The following DGLUCY variants were observed in gnomAD, a reference collection of about 807,000 sequenced individuals.
DGLUCY encodes the protein D-glutamate cyclase, mitochondrial.
Under a neutral mutation model 58.5 loss-of-function variants are expected in DGLUCY, and 58 were observed. The observed-to-expected ratio is 0.99, with a 90% CI of 0.80 to 1.23. The LOEUF is 1.23. DGLUCY is among the 50% of genes most tolerant of loss of function. DGLUCY has a pLI of 0.00. For missense variants in DGLUCY, 779 were observed against 784.7 expected (o/e 0.99, Z 0.09); for synonymous variants, 325 against 314.1 (o/e 1.03, Z -0.37).
At chr14:91,068,061 ACACACACACACGCGCACG>A (rs1427221057) in intron 1 of DGLUCY, among the ~76,000 whole-genome samples, 2 of 132,612 alleles carry the variant, frequency 1.5e-5, no homozygotes, top group African/African-American at 5.8e-5. Context: ...TGGCGCGTGC[ACACACACACACGCGCACG>A]CACACACACA....
chr14:91,186,241 C>T (rs758937735), intron 8 of DGLUCY, among the ~76,000 whole-genome samples: 1 of 151,572 alleles, frequency 6.6e-6, no homozygotes, highest in South Asian at 2.1e-4. Context: ...TGTTGTTATT[C>T]TTCTCCTCGC....
At chr14:91,073,476 G>A (rs1433721260) in intron 1 of DGLUCY, among the ~76,000 whole-genome samples, 1 of 152,150 alleles carries the variant, frequency 6.6e-6, no homozygotes, top group Admixed American at 6.6e-5. Context: ...TGTCATCCAG[G>A]CTAATGTTTG....
rs185724957 is a variant in DGLUCY, at chr14:91,173,457, C to T, written c.607+18C>T. On this transcript the variant is annotated intron_variant, in intron 6 of 13. Transcript: ENST00000256324. Reference sequence around the variant, plus strand: ...CGACCCAGGTCAGTGTCTCTCGCTCCTGCCCATGATCTTCCTGTTCACATG... The same window carrying T: ...CGACCCAGGTCAGTGTCTCTCGCTCTTGCCCATGATCTTCCTGTTCACATG... 122 of 1,580,312 alleles carry T rather than the reference C, an allele frequency of 7.7e-5. 1 individual carries two copies. The East Asian group carries it at 2.1e-3, about 27-fold the overall frequency.
intron 1 of DGLUCY, among the ~76,000 whole-genome samples, chr14:91,122,794 A>T (rs1156952006): frequency 6.6e-6 from 1 of 151,850 alleles, no homozygotes; most frequent in Non-Finnish European, 1.5e-5. Flanking sequence ...TTTTTAGTAG[A>T]GACAAAGTTT....
At chr14:91,132,785 T>C (rs2046101847) in intron 1 of DGLUCY, among the ~76,000 whole-genome samples, 1 of 151,614 alleles carries the variant, frequency 6.6e-6, no homozygotes. Context: ...GCCAGAACTT[T>C]TTCATCTTCC....
intron 1 of DGLUCY, among the ~76,000 whole-genome samples, chr14:91,095,524 T>C (rs112073996): frequency 5.2e-4 from 79 of 152,058 alleles, no homozygotes; most frequent in African/African-American, 1.9e-3. Context: ...CCTGGTAGAG[T>C]CAAGCCTCTT....
chr14:91,078,249 G>A (rs2044064027), intron 1 of DGLUCY, among the ~76,000 whole-genome samples: 1 of 152,096 alleles, frequency 6.6e-6, no homozygotes, highest in Non-Finnish European at 1.5e-5. Flanking sequence ...GGCTGATCTT[G>A]AACTGTTTCC....
chr14:91,194,997 G>A (rs1410476174), intron 9 of DGLUCY, among the ~76,000 whole-genome samples: 1 of 152,228 alleles, frequency 6.6e-6, no homozygotes, highest in African/African-American at 2.4e-5. Context: ...AGCTGCATTT[G>A]CAGTACAAGC....
intron 1 of DGLUCY, among the ~76,000 whole-genome samples, chr14:91,076,508 G>A (rs553844281): frequency 6.6e-6 from 1 of 152,086 alleles, no homozygotes; most frequent in Non-Finnish European, 1.5e-5. Flanking sequence ...GTCTGCAGAT[G>A]TAGAAGCCAT....
Position 91,222,201 on chromosome 14 carries a change from C to T in DGLUCY, c.1717-2483C>T, listed in dbSNP as rs888907511. On this transcript the variant is annotated intron_variant, in intron 13 of 13. Transcript: ENST00000256324. The stretch of plus-strand genomic sequence containing the variant: ...CTCTTAGAAGATGGCATGGTCATTC[C>T]GTGATTCTTGGAAATTTGCAGGGAG... Among the ~76,000 whole-genome samples, 3 of 152,212 alleles carry T rather than the reference C, an allele frequency of 2.0e-5. No homozygotes were observed. The East Asian group carries it at 5.8e-4, about 29-fold the overall frequency.
rs748652981 is a variant in DGLUCY at position 91,199,912 on chromosome 14, A to G, written c.1444+7A>G. 3 of 1,613,978 alleles carry G rather than the reference A, an allele frequency of 1.9e-6. No homozygotes were observed. In the African/African-American group the frequency reaches 4.0e-5, roughly 22 times the overall value. On this transcript the variant is annotated splice_region_variant and intron_variant, in intron 11 of 13. Transcript: ENST00000256324. ...CCTGGAATCTCATCAACTGGTAAGT[A>G]TGGAGTACTGGGGATGCACCAAGAA...
chr14:91,173,366 G>C lies in DGLUCY; in HGVS notation c.534G>C (p.Lys178Asn), dbSNP rs754372911. The C allele has an allele frequency of 1.7e-5, 27 of 1,613,316 alleles. No homozygotes were observed. The highest frequency in any genetic ancestry group is 2.3e-5 in the Non-Finnish European group (27 of 1,179,920). Residue 178 changes from lysine (K) to asparagine (N), a missense_variant, in exon 6 of 14, where the codon AAG becomes AAC. Lys to Asn is a moderately conservative substitution (Grantham distance 94). Transcript: ENST00000256324. ...CGATGAGGCCCATTCCCAAGGACAA[G>C]CTGGAAGGGCTGGTGCGGGCCTGCT... ...VVTMRPIPKD[K>N]LEGLVRACCS... is the part of the protein sequence containing the mutation.
chr14:91,113,804 C>T (rs1471276434), upstream of DGLUCY, among the ~76,000 whole-genome samples: 3 of 152,222 alleles, frequency 2.0e-5, no homozygotes, highest in Admixed American at 6.5e-5. Flanking sequence ...AGATCGGCTG[C>T]ACATTGGAAT....
intron 9 of DGLUCY, among the ~76,000 whole-genome samples, chr14:91,195,718 T>A (rs1366842952): frequency 6.8e-6 from 1 of 146,196 alleles, no homozygotes; most frequent in Non-Finnish European, 1.5e-5. Flanking sequence ...TTGCCCAGGC[T>A]GGAGTGCAGT....
rs181976409 is a variant in DGLUCY, at chr14:91,129,740, G to A, written c.-82+15457G>A. ...CGGCTCACCACAACCTCTGCCTTCC[G>A]GGTTCAAGCGATTCTCCTGCCTCAG... On this transcript the variant is annotated intron_variant, in intron 1 of 13. Transcript: ENST00000256324. Among the ~76,000 whole-genome samples the A allele has an allele frequency of 1.6e-3, 237 of 151,860 alleles. 1 individual carries two copies. Among genetic ancestry groups the A allele is most frequent in the African/African-American group, 5.2e-3 (215 of 41,410 alleles).
chr14:91,220,825 A>G (rs1333589758), intron 13 of DGLUCY: 1 of 389,742 alleles, frequency 2.6e-6, no homozygotes, highest in Non-Finnish European at 5.2e-6. Flanking sequence ...CTCACATCCC[A>G]GCCCATTTCA....
chr14:91,165,692 C>A (rs575148827), intron 3 of DGLUCY, among the ~76,000 whole-genome samples: 1 of 152,296 alleles, frequency 6.6e-6, no homozygotes, highest in East Asian at 1.9e-4. Context: ...GATACCACTA[C>A]CCACCCACAA....
In DGLUCY at chr14:91,189,002, G is replaced by A; in HGVS notation, c.1027G>A (p.Gly343Arg). Residue 343 changes from glycine (G) to arginine (R), a missense_variant, in exon 9 of 14, where the codon GGG (glycine) becomes AGG (arginine). By Grantham distance (125) the Gly-to-Arg change is moderately radical. Coordinates refer to ENST00000256324, the MANE Select transcript of DGLUCY (RefSeq NM_001102368.3). The stretch of plus-strand genomic sequence containing the variant: ...TGCCCGCTCAGTGCTCATCACCACT[G>A]GGTTCCCCACACATTTCAATCATGA... ...SHARSVLITTGFPTHFNHEPP... is the reference protein window; with the variant it reads ...SHARSVLITTRFPTHFNHEPP... 2 of 1,614,144 alleles carry A rather than the reference G, an allele frequency of 1.2e-6. No homozygotes were observed. The highest frequency in any genetic ancestry group is 1.7e-6 in the Non-Finnish European group (2 of 1,180,012).
Position 91,170,022 on chromosome 14 carries a change from T to G in DGLUCY, c.277T>G (p.Trp93Gly), listed in dbSNP as rs1165922019. ...CCCCAGGATGGGCCATCCCCAGTTC[T>G]GGAAATACGAGTTCGGTGCCTGCAC... ...SETRMGHPQF[W>G]KYEFGACTGS... The change falls in exon 5 of 14, where the codon TGG becomes GGG. Residue 93 changes from tryptophan to glycine, a missense_variant. Coordinates refer to ENST00000256324, the MANE Select transcript of DGLUCY (RefSeq NM_001102368.3). 9.9e-6 allele frequency: 16 copies of G among 1,612,140 alleles called. No individual in the cohort carries two copies. Among genetic ancestry groups the G allele is most frequent in the Non-Finnish European group, 1.3e-5 (15 of 1,180,042 alleles).
Sources: gnomAD v4.1 joint callset for allele counts (sites outside exome capture counted in the v4.1 genomes callset) on GRCh38, gnomAD v4.1.1 for gene constraint, MANE v1.5 for transcripts, NCBI Gene and HGNC (gene_info 2026-07-23, HGNC 2026-07-21) for gene names.